Variants in AKAP1 observed in about 807,000 individuals in gnomAD.
AKAP1 encodes the protein A-kinase anchoring protein 1.
In AKAP1, 32 loss-of-function variants were observed where a neutral mutation model predicts 79.8. The ratio of observed to expected loss-of-function variants is 0.40; its 90% confidence interval spans 0.30 to 0.54. AKAP1 has a LOEUF of 0.54. Among genes scored for constraint, AKAP1 ranks in the 20% least tolerant of loss-of-function variants. AKAP1 has a pLI of 0.47. For missense variants in AKAP1, 961 were observed against 1,138.9 expected, an observed-to-expected ratio of 0.84 and a Z score of 2.25; for synonymous variants, 416 against 466.7, an observed-to-expected ratio of 0.89 and a Z score of 1.40.
intron 1 of AKAP1, among the ~76,000 whole-genome samples, chr17:57,099,128 G>A (rs1320738619): frequency 6.6e-6 from 1 of 152,106 alleles, no homozygotes; most frequent in African/African-American, 2.4e-5. Flanking sequence ...GGTGTCTCCT[G>A]GCAATGGGTG....
chr17:57,118,078 T>C (rs940371082), intron 8 of AKAP1, among the ~76,000 whole-genome samples: 9 of 151,776 alleles, frequency 5.9e-5, no homozygotes, highest in African/African-American at 1.9e-4. Flanking sequence ...TCCGAGTTGG[T>C]GGGGGTGGGG....
At chr17:57,107,496 TA>T (rs142249799) in intron 2 of AKAP1, among the ~76,000 whole-genome samples, 1 of 152,148 alleles carries the variant, frequency 6.6e-6, no homozygotes, top group Non-Finnish European at 1.5e-5. Flanking sequence ...TTTCTTTGTT[TA>T]AAAAAATTAT....
chr17:57,091,845 T>C (rs1287606977), intron 1 of AKAP1, among the ~76,000 whole-genome samples: 1 of 151,986 alleles, frequency 6.6e-6, no homozygotes, highest in East Asian at 1.9e-4. Context: ...CACATCATGA[T>C]GCCTGGCTAG....
At chr17:57,113,319 G>C (rs557358545) in intron 5 of AKAP1, among the ~76,000 whole-genome samples, 1 of 152,270 alleles carries the variant, frequency 6.6e-6, no homozygotes, top group Admixed American at 6.5e-5. Flanking sequence ...GTGGGCCAAC[G>C]ACTGTTGACT....
intron 1 of AKAP1, among the ~76,000 whole-genome samples, chr17:57,091,521 G>C (rs1266703779): frequency 6.6e-6 from 1 of 152,090 alleles, no homozygotes; most frequent in Non-Finnish European, 1.5e-5. Flanking sequence ...TGTGGCAGGG[G>C]CCCAGCCTGC....
intron 2 of AKAP1, among the ~76,000 whole-genome samples, chr17:57,107,644 T>G (rs1453139490): frequency 1.3e-5 from 2 of 152,086 alleles, no homozygotes; most frequent in South Asian, 2.1e-4. Flanking sequence ...AGCCCATTTT[T>G]TTTTCTTTTT....
chr17:57,110,796 G>A (rs1036969427), intron 3 of AKAP1, among the ~76,000 whole-genome samples: 1 of 152,172 alleles, frequency 6.6e-6, no homozygotes, highest in Non-Finnish European at 1.5e-5. Flanking sequence ...TCACTGTGTG[G>A]ATGTCAGTTT....
In AKAP1 at chr17:57,110,004, CT is replaced by C; in HGVS notation, c.1715-20del. On this transcript the variant is annotated intron_variant, in intron 2 of 10. Coordinates refer to ENST00000337714, the MANE Select transcript of AKAP1 (RefSeq NM_003488.4). ...GAGTGGGGTCTGTGTGTGTGCGTGCCTGCTGCTTCTTCCCCTGCAGGTTCTG... is the reference window on the plus strand; with the variant it reads ...GAGTGGGGTCTGTGTGTGTGCGTGCCGCTGCTTCTTCCCCTGCAGGTTCTG... 6.2e-7 allele frequency: 1 copy of C among 1,612,974 alleles called. No individual in the cohort carries two copies.
intron 1 of AKAP1, among the ~76,000 whole-genome samples, chr17:57,103,038 C>T (rs1182347697): frequency 6.6e-6 from 1 of 152,150 alleles, no homozygotes; most frequent in African/African-American, 2.4e-5. Context: ...GAGATCACAC[C>T]ACTGCACTCC....
chr17:57,110,346 A>G lies in AKAP1; in HGVS notation c.1848+188A>G, dbSNP rs531914158. ...CAAGGCTCAGAGAGCTTCCTGCAACATGGAATTCCTCCAGCTGCCTCCAGG... is the reference window on the plus strand; with the variant it reads ...CAAGGCTCAGAGAGCTTCCTGCAACGTGGAATTCCTCCAGCTGCCTCCAGG... On this transcript the variant is annotated intron_variant, in intron 3 of 10. Transcript: ENST00000337714. Among the ~76,000 whole-genome samples, 5 of 152,284 alleles carry G rather than the reference A, an allele frequency of 3.3e-5. No individual in the cohort carries two copies. The South Asian group carries it at 1.0e-3, about 32-fold the overall frequency.
intron 5 of AKAP1, among the ~76,000 whole-genome samples, chr17:57,113,219 A>G (rs995317650): frequency 6.6e-6 from 1 of 152,190 alleles, no homozygotes; most frequent in Non-Finnish European, 1.5e-5. Flanking sequence ...TGCTGACTGC[A>G]GGGTCTCTCA....
intron 1 of AKAP1, among the ~76,000 whole-genome samples, chr17:57,103,594 G>A (rs755346838): frequency 6.6e-6 from 1 of 152,168 alleles, no homozygotes; most frequent in Non-Finnish European, 1.5e-5. Flanking sequence ...AAACCAATAT[G>A]AGTTGTTAAA....
chr17:57,091,586 G>A (rs1913787080), intron 1 of AKAP1, among the ~76,000 whole-genome samples: 1 of 152,182 alleles, frequency 6.6e-6, no homozygotes, highest in Non-Finnish European at 1.5e-5. Context: ...GGGGAGCTGG[G>A]GAGCTAGGTG....
intron 4 of AKAP1, 47 bp from the exon 5 acceptor site, chr17:57,112,444 G>A: frequency 6.3e-7 from 1 of 1,592,318 alleles, no homozygotes; most frequent in South Asian, 1.1e-5. Flanking sequence ...GTGGGTGTGA[G>A]TTTCCTCTTA....
At chr17:57,107,287 G>T in intron 2 of AKAP1, 109 bp downstream of exon 2, 1 of 1,444,772 alleles carries the variant, frequency 6.9e-7, no homozygotes, top group Non-Finnish European at 9.3e-7. Flanking sequence ...AAGTCATAGT[G>T]CTCTTCAGCT....
At chr17:57,117,845 T>G (rs1373107144) in intron 8 of AKAP1, among the ~76,000 whole-genome samples, 1 of 152,154 alleles carries the variant, frequency 6.6e-6, no homozygotes, top group African/African-American at 2.4e-5. Context: ...ACTTTTGTAA[T>G]CCAGCAAAGC....
chr17:57,100,447 G>GCACACGCA (rs1555620009), intron 1 of AKAP1, among the ~76,000 whole-genome samples: 186 of 75,354 alleles, frequency 2.5e-3, no homozygotes, highest in Non-Finnish European at 3.8e-3. Context: ...ACACACACAC[G>GCACACGCA]CACACACACA....
chr17:57,105,677 C>G lies in AKAP1; in HGVS notation c.213C>G (p.Pro71=), dbSNP rs1263472173. The change falls in exon 2 of 11, where the codon CCC becomes CCG. Residue 71 remains proline, a synonymous_variant. Transcript: ENST00000337714. Reference sequence around the variant, plus strand: ...TCTGTCCCAAAGTAGTGTCCACACCCCCCAGTGTCACAGAGCCTCCAGAAA... The same window carrying G: ...TCTGTCCCAAAGTAGTGTCCACACCGCCCAGTGTCACAGAGCCTCCAGAAA... The part of the protein sequence containing the change: ...EDVCPKVVST[P]PSVTEPPEKE... 3 of 1,614,068 alleles carry G rather than the reference C, an allele frequency of 1.9e-6. No individual in the cohort carries two copies. Among genetic ancestry groups the G allele is most frequent in the African/African-American group, 1.3e-5 (1 of 74,918 alleles).
intron 6 of AKAP1, 147 bp from the exon 7 acceptor site, chr17:57,115,964 C>G: frequency 1.0e-6 from 1 of 958,668 alleles, no homozygotes; most frequent in Non-Finnish European, 1.5e-6. Context: ...GGAGGCTTTG[C>G]TTGGGGCCGG....
Sources: gnomAD v4.1 joint callset for allele counts (sites outside exome capture counted in the v4.1 genomes callset) on GRCh38, gnomAD v4.1.1 for gene constraint, MANE v1.5 for transcripts, NCBI Gene and HGNC (gene_info 2026-07-23, HGNC 2026-07-21) for gene names.